OR6Y1: variants seen among roughly 807,000 people sequenced by gnomAD.
The protein encoded by OR6Y1 is olfactory receptor 6Y1.
A neutral mutation model predicts 0.4 loss-of-function variants in OR6Y1; 1 was observed. The ratio of observed to expected loss-of-function variants is 2.74; its 90% CI spans 0.97 to 13.02. The LOEUF is 13.02. Ranked by LOEUF, OR6Y1 falls within the 30% of genes most tolerant of loss-of-function variation. The probability of loss-of-function intolerance (pLI) is 0.12; values close to 1 mark genes in which losing one functional copy is unlikely to be tolerated. For missense variants in OR6Y1, 480 were observed against 399.8 expected (o/e 1.20, Z -1.71); for synonymous variants, 173 against 141.1 (o/e 1.23, Z -1.60).
rs11329849 is a variant in OR6Y1, at chr1:158,550,291, AT to A, written c.-1432-755del. Among the ~76,000 whole-genome samples the A allele has an allele frequency of 4.0e-3, 572 of 143,682 alleles. 16 individuals carry two copies. The highest frequency in any genetic ancestry group is 0.015 in the African/African-American group (553 of 36,994). 94.3% of individuals were successfully genotyped at this position (143,682 alleles called of 152,430 possible). A position where few individuals can be genotyped will look rare whatever the true frequency, so the allele number is the denominator to read the frequency against. Reference sequence around the variant, plus strand: ...GCTGGAAATAAAAACATCTAATTTAATTTTAAGAATAAGAATAAGTAAATAA... The same window carrying A: ...GCTGGAAATAAAAACATCTAATTTAATTTAAGAATAAGAATAAGTAAATAA... On this transcript the variant is annotated intron_variant, in intron 1 of 1. Coordinates refer to ENST00000641622, the MANE Select transcript of OR6Y1 (RefSeq NM_001005189.2).
chr1:158,553,718 A>G (rs1305582052), intron 1 of OR6Y1, among the ~76,000 whole-genome samples: 1 of 152,020 alleles, frequency 6.6e-6, no homozygotes, highest in East Asian at 1.9e-4. Flanking sequence ...GCATACATGT[A>G]TTCATTCATC....
At chr1:158,551,738 G>C (rs555392687) in intron 1 of OR6Y1, among the ~76,000 whole-genome samples, 25 of 112,582 alleles carry the variant, frequency 2.2e-4, no homozygotes, top group African/African-American at 9.4e-4. Flanking sequence ...GTCCATTGTA[G>C]TGATTACACA....
At position 158,547,902 on chromosome 1, in the gene OR6Y1, CAAG is replaced by C. The variant is rs758875626; in HGVS notation, c.201_203del (p.Phe67del). The C allele has an allele frequency of 9.3e-6, 15 of 1,613,302 alleles. 1 individual carries two copies. Among genetic ancestry groups the C allele is most frequent in the Non-Finnish European group, 1.0e-5 (12 of 1,180,000 alleles). On this transcript the variant is annotated inframe_deletion, in exon 2 of 2. Coordinates refer to ENST00000641622, the MANE Select transcript of OR6Y1 (RefSeq NM_001005189.2). ...ACATCTCCAGGAAGGAGAGGTGGCTCAAGAAGAAGTACATGGGCTTATGCAGCT... is the reference window on the plus strand; with the variant it reads ...ACATCTCCAGGAAGGAGAGGTGGCTCAAGAAGTACATGGGCTTATGCAGCT...
chr1:158,544,872 T>A lies in OR6Y1; in HGVS notation c.*2256A>T, dbSNP rs1647474145. 1 of 152,198 alleles carries A rather than the reference T, an allele frequency of 6.6e-6. No homozygotes were observed. Among genetic ancestry groups the A allele is most frequent in the South Asian group, 2.1e-4 (1 of 4,826 alleles). 9.4% of individuals were successfully genotyped at this position (152,198 alleles called of 1,614,324 possible). ...TCCCGGAAAGGACATGATCTAATTT[T>A]TTTTTATGGCTGCATAGTATTTCAT... is the stretch of plus-strand genomic sequence containing the variant. On this transcript the variant is annotated 3_prime_UTR_variant, in exon 2 of 2. Coordinates refer to ENST00000641622, the MANE Select transcript of OR6Y1 (RefSeq NM_001005189.2).
rs1647535267 is a variant in OR6Y1, at chr1:158,546,460, A to G, written c.*668T>C. The G allele has an allele frequency of 6.6e-6, 1 of 152,138 alleles. No individual in the cohort carries two copies. The allele number at this position is 152,138 out of a possible 1,614,324, so 9.4% of individuals were successfully genotyped here. A position where few individuals can be genotyped will look rare whatever the true frequency, so the allele number is the denominator to read the frequency against. On this transcript the variant is annotated 3_prime_UTR_variant, in exon 2 of 2. Coordinates refer to ENST00000641622, the MANE Select transcript of OR6Y1 (RefSeq NM_001005189.2). ...AACATTAATAATAAAAATTAGTAAT[A>G]GTTTTCACTTTGTTATTTGGTATAA...
chr1:158,551,350 A>T (rs931347216), intron 1 of OR6Y1, among the ~76,000 whole-genome samples: 1 of 151,786 alleles, frequency 6.6e-6, no homozygotes, highest in Non-Finnish European at 1.5e-5. Flanking sequence ...TGTCTCATGA[A>T]ATAATAGCAT....
chr1:158,552,597 A>G (rs900053161), intron 1 of OR6Y1, among the ~76,000 whole-genome samples: 1 of 152,078 alleles, frequency 6.6e-6, no homozygotes, highest in African/African-American at 2.4e-5. Context: ...AAGAAAACGT[A>G]TATGGTCAAA....
chr1:158,546,859 C>G lies in OR6Y1; in HGVS notation c.*269G>C, dbSNP rs867295113. 1.0e-5 allele frequency: 3 copies of G among 287,532 alleles called. No homozygotes were observed. Among genetic ancestry groups the G allele is most frequent in the South Asian group, 1.3e-4 (2 of 14,942 alleles). The allele number at this position is 287,532 out of a possible 1,614,324, so 17.8% of individuals were successfully genotyped here. ...TTTCCTCCCTCCTACCACCCACTCT[C>G]TCTGTCTCTCTCTCTGTGTTTCTTC... is the stretch of plus-strand genomic sequence containing the variant. On this transcript the variant is annotated 3_prime_UTR_variant, in exon 2 of 2. Coordinates refer to ENST00000641622, the MANE Select transcript of OR6Y1 (RefSeq NM_001005189.2).
Position 158,548,397 on chromosome 1 carries a change from A to C in OR6Y1, c.-292T>G. On this transcript the variant is annotated 5_prime_UTR_variant, in exon 2 of 2. An upstream open reading frame in the 5' UTR gains an earlier in-frame stop. Transcript: ENST00000641622. ...TAAATCCCAGTTCTGTGCTTTACCA[A>C]TATATCACTTTTGGGCACATAAATG... The C allele has an allele frequency of 3.7e-6, 1 of 273,018 alleles. No homozygotes were observed. Among genetic ancestry groups the C allele is most frequent in the Non-Finnish European group, 6.9e-6 (1 of 144,752 alleles). The allele number at this position is 273,018 out of a possible 1,614,324, so 16.9% of individuals were successfully genotyped here.
intron 1 of OR6Y1, among the ~76,000 whole-genome samples, chr1:158,550,823 A>G (rs1472622012): frequency 6.6e-6 from 1 of 151,752 alleles, no homozygotes; most frequent in Admixed American, 6.6e-5. Flanking sequence ...GAAGTTTTAT[A>G]GCAACTGGAT....
At position 158,547,623 on chromosome 1, in the gene OR6Y1, G is replaced by C; in HGVS notation, c.483C>G (p.Ala161=). 2.5e-6 allele frequency: 4 copies of C among 1,613,244 alleles called. No homozygotes were observed. The highest frequency in any genetic ancestry group is 3.4e-6 in the Non-Finnish European group (4 of 1,179,908). ...GTGCTATAAAAACCATCTTAATCAT[G>C]GCAGTCATGAGTCCACAGAACCAGC... is the stretch of plus-strand genomic sequence containing the variant. ...GGCWFCGLMT[A]MIKMVFIAQL... Residue 161 remains alanine, a synonymous_variant, in exon 2 of 2, where the codon GCC becomes GCG. Coordinates refer to ENST00000641622, the MANE Select transcript of OR6Y1 (RefSeq NM_001005189.2).
rs1647573994 is a variant in OR6Y1 at position 158,547,407 on chromosome 1, G to T, written c.699C>A (p.Ile233=). 3 of 1,613,494 alleles carry T rather than the reference G, an allele frequency of 1.9e-6. No homozygotes were observed. Among genetic ancestry groups the T allele is most frequent in the Non-Finnish European group, 1.7e-6 (2 of 1,180,016 alleles). Residue 233 remains isoleucine (I), a synonymous_variant, in exon 2 of 2, where the codon ATC becomes ATA. Transcript: ENST00000641622. ...CCTTTTGGCGGCCCTGAGCAGAAGG[G>T]ATCCTGAGGATGGTGGCAAGGATAG... is the stretch of plus-strand genomic sequence containing the variant. ...YAAILATILR[I]PSAQGRQKAF...
rs1173136153 is a variant in OR6Y1, at chr1:158,552,229, G to GATATAT, written c.-1433+2031_-1433+2036dup. 1.7e-3 allele frequency among the ~76,000 whole-genome samples: 214 copies of GATATAT among 125,226 alleles called. 2 individuals are homozygous for GATATAT. The highest frequency in any genetic ancestry group is 4.6e-3 in the Middle Eastern group (1 of 218). The allele number at this position is 125,226 out of a possible 152,430, so 82.2% of individuals were successfully genotyped here. Reference sequence around the variant, plus strand: ...CAATTTACATATATGTATGTATGGAGATATATATATGTATATATATATATA... The same window carrying GATATAT: ...CAATTTACATATATGTATGTATGGAGATATATATATATATATGTATATATATATATA... On this transcript the variant is annotated intron_variant, in intron 1 of 1. Transcript: ENST00000641622.
At chr1:158,551,159 A>C (rs1204733317) in intron 1 of OR6Y1, among the ~76,000 whole-genome samples, 1 of 151,650 alleles carries the variant, frequency 6.6e-6, no homozygotes, top group Non-Finnish European at 1.5e-5. Flanking sequence ...TGTACCTTTA[A>C]AAATAGTTTT....
Position 158,547,420 on chromosome 1 carries a change from G to A in OR6Y1, c.686C>T (p.Thr229Ile), listed in dbSNP as rs1376875166. The A allele has an allele frequency of 6.2e-7, 1 of 1,613,636 alleles. No individual in the cohort carries two copies. The highest frequency in any genetic ancestry group is 2.2e-5 in the East Asian group (1 of 44,876). Residue 229 changes from threonine (T) to isoleucine (I), a missense_variant, in exon 2 of 2, where the codon ACC (threonine) becomes ATC (isoleucine). Coordinates refer to ENST00000641622, the MANE Select transcript of OR6Y1 (RefSeq NM_001005189.2). Reference protein sequence around the residue: ...VVASYAAILATILRIPSAQGR... With the variant: ...VVASYAAILAIILRIPSAQGR... ...CTGAGCAGAAGGGATCCTGAGGATG[G>A]TGGCAAGGATAGCAGCGTAGGATGC... is the stretch of plus-strand genomic sequence containing the variant.
rs765343766 is a variant in OR6Y1, at chr1:158,548,080, T to A, written c.26A>T (p.Asp9Val). 1.2e-6 allele frequency: 2 copies of A among 1,612,872 alleles called. No individual in the cohort carries two copies. The highest frequency in any genetic ancestry group is 1.7e-5 in the Admixed American group (1 of 59,932). Residue 9 changes from aspartate to valine, a missense_variant, in exon 2 of 2, where the codon GAT becomes GTT. By Grantham distance (152) the Asp-to-Val change is radical. Coordinates refer to ENST00000641622, the MANE Select transcript of OR6Y1 (RefSeq NM_001005189.2). MTTIILEV[D>V]NHTVTTRFIL... ...GAAACGTGTTGTCACTGTATGATTA[T>A]CTACTTCCAGAATTATGGTGGTCAT... is the stretch of plus-strand genomic sequence containing the variant.
chr1:158,553,281 G>A (rs1164779788), intron 1 of OR6Y1, among the ~76,000 whole-genome samples: 1 of 151,888 alleles, frequency 6.6e-6, no homozygotes, highest in East Asian at 1.9e-4. Context: ...GCATTTTTTT[G>A]CTCTATGGGA....
Position 158,548,072 on chromosome 1 carries a change from T to C in OR6Y1, c.34A>G (p.Thr12Ala). 6.2e-7 allele frequency: 1 copy of C among 1,613,256 alleles called. No homozygotes were observed. Among genetic ancestry groups the C allele is most frequent in the Non-Finnish European group, 8.5e-7 (1 of 1,179,888 alleles). Residue 12 changes from threonine (T) to alanine (A), a missense_variant, in exon 2 of 2, where the codon ACA becomes GCA. Transcript: ENST00000641622. ...AGAAGAATGAAACGTGTTGTCACTG[T>C]ATGATTATCTACTTCCAGAATTATG... The part of the protein sequence containing the change: ...TTIILEVDNH[T>A]VTTRFILLGF...
intron 1 of OR6Y1, among the ~76,000 whole-genome samples, chr1:158,553,181 A>G (rs1316534493): frequency 2.0e-5 from 3 of 152,178 alleles, no homozygotes; most frequent in Admixed American, 6.5e-5. Flanking sequence ...AAAGTGGCTT[A>G]ATTTCTATGG....
Sources: gnomAD v4.1 joint callset for allele counts (sites outside exome capture counted in the v4.1 genomes callset) on GRCh38, gnomAD v4.1.1 for gene constraint, MANE v1.5 for transcripts, NCBI Gene and HGNC (gene_info 2026-07-23, HGNC 2026-07-21) for gene names.